LRRTM4: variants seen among roughly 807,000 people sequenced by gnomAD.
The protein encoded by LRRTM4 is leucine-rich repeat transmembrane neuronal protein 4.
In LRRTM4, 25 loss-of-function variants were observed where a neutral mutation model predicts 47.6. The observed-to-expected ratio is 0.53, with a 90% CI of 0.38 to 0.73. The LOEUF (loss-of-function observed/expected upper bound fraction) is 0.73, where lower values mean the gene tolerates loss of function less well. Ranked by LOEUF, LRRTM4 falls within the 30% of genes least tolerant of loss-of-function variation. The pLI is 0.00. For synonymous variants in LRRTM4, 311 were observed against 269.5 expected, an observed-to-expected ratio of 1.15 and a Z score of -1.51; for missense variants, 638 against 713.4, an observed-to-expected ratio of 0.89 and a Z score of 1.20.
At chr2:77,193,857 G>A (rs771552250) in intron 3 of LRRTM4, among the ~76,000 whole-genome samples, 2 of 152,058 alleles carry the variant, frequency 1.3e-5, no homozygotes, top group African/African-American at 2.4e-5. Context: ...GTTTATATCC[G>A]GATCACACAG....
At chr2:77,324,217 A>T (rs1406443379) in intron 3 of LRRTM4, among the ~76,000 whole-genome samples, 2 of 152,150 alleles carry the variant, frequency 1.3e-5, no homozygotes, top group Non-Finnish European at 2.9e-5. Flanking sequence ...CTCGACAAAT[A>T]TTTATTAAGA....
At chr2:77,128,079 G>T (rs540568906) in intron 3 of LRRTM4, among the ~76,000 whole-genome samples, 1 of 151,326 alleles carries the variant, frequency 6.6e-6, no homozygotes, top group East Asian at 2.0e-4. Flanking sequence ...GGAGGCAGAG[G>T]TTGCAGTGAG....
intron 3 of LRRTM4, among the ~76,000 whole-genome samples, chr2:77,181,581 CA>C: frequency 6.6e-6 from 1 of 151,912 alleles, no homozygotes; most frequent in East Asian, 1.9e-4. Context: ...AAATAAACAA[CA>C]AAAAGATAAG....
chr2:77,153,020 G>T (rs765751892), intron 3 of LRRTM4, among the ~76,000 whole-genome samples: 2 of 151,972 alleles, frequency 1.3e-5, no homozygotes, highest in Non-Finnish European at 2.9e-5. Context: ...CTGTGCAATA[G>T]AACTCTAAAA....
chr2:77,338,092 TA>T (rs1219770143), intron 3 of LRRTM4, among the ~76,000 whole-genome samples: 2 of 151,934 alleles, frequency 1.3e-5, no homozygotes, highest in African/African-American at 4.8e-5. Flanking sequence ...AAAATCAAAT[TA>T]AGATAGATAA....
At chr2:77,085,501 A>G (rs1456489162) in intron 3 of LRRTM4, among the ~76,000 whole-genome samples, 1 of 151,870 alleles carries the variant, frequency 6.6e-6, no homozygotes, top group Non-Finnish European at 1.5e-5. Flanking sequence ...AAAGATTTAT[A>G]TAGTTTCCTA....
At chr2:77,373,088 A>AAATAT (rs1553435844) in intron 3 of LRRTM4, among the ~76,000 whole-genome samples, 3 of 140,356 alleles carry the variant, frequency 2.1e-5, no homozygotes, top group Non-Finnish European at 3.1e-5. Context: ...TTAAAAAAAA[A>AAATAT]ATATATATAT....
chr2:77,014,163 G>T (rs1389174502), intron 3 of LRRTM4, among the ~76,000 whole-genome samples: 2 of 152,068 alleles, frequency 1.3e-5, no homozygotes, highest in Non-Finnish European at 2.9e-5. Flanking sequence ...GCTGAGTAGA[G>T]AGGGCGGATC....
At chr2:77,517,695 CA>C (rs5832288) in intron 3 of LRRTM4, 264,867 of 872,166 alleles carry the variant, frequency 0.3, 12,637 homozygotes, top group Middle Eastern at 0.32. Context: ...AAGAAGGAAA[CA>C]AAAAAAAAAA....
intron 3 of LRRTM4, among the ~76,000 whole-genome samples, chr2:76,973,395 A>G (rs886424739): frequency 6.6e-6 from 1 of 151,978 alleles, no homozygotes; most frequent in Non-Finnish European, 1.5e-5. Flanking sequence ...TGGGGGAAAT[A>G]TTTTCTCAGA....
At chr2:76,812,595 A>G (rs1466890899) in intron 3 of LRRTM4, among the ~76,000 whole-genome samples, 1 of 152,132 alleles carries the variant, frequency 6.6e-6, no homozygotes, top group Admixed American at 6.6e-5. Context: ...TTAATTCAGT[A>G]TAATTATTGG....
chr2:77,336,426 T>C (rs1671172056), intron 3 of LRRTM4, among the ~76,000 whole-genome samples: 1 of 152,098 alleles, frequency 6.6e-6, no homozygotes, highest in South Asian at 2.1e-4. Context: ...TAAAGGAAAC[T>C]ACAGGCCAAC....
chr2:76,930,973 G>T lies in LRRTM4; in HGVS notation c.1552-182057C>A, dbSNP rs188906229. 5.3e-5 allele frequency among the ~76,000 whole-genome samples: 8 copies of T among 152,194 alleles called. No individual in the cohort carries two copies. In the East Asian group the frequency reaches 1.4e-3, roughly 26 times the overall value. On this transcript the variant is annotated intron_variant, in intron 3 of 3. Transcript: ENST00000409884. ...AATATTTCACACCAGTCCTAGTGAT[G>T]TTTATAAAACTGTGTCAGCACTGCT...
At chr2:77,159,600 C>T (rs1672655640) in intron 3 of LRRTM4, among the ~76,000 whole-genome samples, 2 of 150,832 alleles carry the variant, frequency 1.3e-5, no homozygotes, top group Non-Finnish European at 1.5e-5. Context: ...GAAAGGGGAT[C>T]ATCACAAAGG....
chr2:77,130,654 G>T (rs1671769870), intron 3 of LRRTM4, among the ~76,000 whole-genome samples: 1 of 150,008 alleles, frequency 6.7e-6, no homozygotes, highest in Admixed American at 6.7e-5. Flanking sequence ...TGGGACTACA[G>T]GCGCCGGCCA....
At chr2:77,216,744 T>A (rs1674453494) in intron 3 of LRRTM4, among the ~76,000 whole-genome samples, 3 of 151,818 alleles carry the variant, frequency 2.0e-5, no homozygotes, top group African/African-American at 7.3e-5. Flanking sequence ...TTCGGCGGCT[T>A]TCAGACTTAG....
intron 3 of LRRTM4, among the ~76,000 whole-genome samples, chr2:76,805,566 T>C (rs1287795580): frequency 1.3e-5 from 2 of 152,168 alleles, no homozygotes; most frequent in Non-Finnish European, 2.9e-5. Context: ...ATTCTCCTTC[T>C]ACCAGTGAGA....
chr2:76,838,985 G>A (rs1010864348), intron 3 of LRRTM4, among the ~76,000 whole-genome samples: 3 of 152,020 alleles, frequency 2.0e-5, no homozygotes, highest in African/African-American at 7.2e-5. Flanking sequence ...AAATACATGT[G>A]TCTATTTCTC....
chr2:76,966,778 G>T (rs1676039334), intron 3 of LRRTM4, among the ~76,000 whole-genome samples: 2 of 151,276 alleles, frequency 1.3e-5, no homozygotes, highest in African/African-American at 4.8e-5. Context: ...ATACAACATT[G>T]TACAGTGGTT....
Sources: allele counts gnomAD v4.1 joint callset (sites outside exome capture counted in the v4.1 genomes callset), GRCh38; gene constraint gnomAD v4.1.1; transcripts MANE v1.5; gene names NCBI Gene and HGNC (gene_info 2026-07-23, HGNC 2026-07-21).